The following UNC13C variants were observed in gnomAD, a reference collection of about 807,000 sequenced individuals.
The protein encoded by UNC13C is protein unc-13 homolog C.
Under a neutral mutation model 245.4 loss-of-function variants are expected in UNC13C, and 174 were observed. That is an observed-to-expected ratio of 0.71 (90% CI 0.63 to 0.80). The LOEUF (loss-of-function observed/expected upper bound fraction) is 0.80, where lower values mean the gene tolerates loss of function less well. Ranked by LOEUF, UNC13C falls within the 30% of genes least tolerant of loss-of-function variation. The pLI, the probability that UNC13C is intolerant of heterozygous loss-of-function variation, is 0.00. For synonymous variants in UNC13C, 992 were observed against 895.1 expected (o/e 1.11, Z -1.93); for missense variants, 2,829 against 2,602.9 (o/e 1.09, Z -1.89).
chr15:53,920,298 G>A, the UNC13C span, among the ~76,000 whole-genome samples: 2 of 152,130 alleles, frequency 1.3e-5, no homozygotes, highest in Admixed American at 1.3e-4. Flanking sequence ...ATTAGGCCAG[G>A]CAGGGTGGCT....
chr15:54,071,655 T>C (rs1898333453), intron 2 of UNC13C, among the ~76,000 whole-genome samples: 1 of 148,408 alleles, frequency 6.7e-6, no homozygotes, highest in South Asian at 2.2e-4. Context: ...TATTTTGAAA[T>C]GGTTGAAAAA....
At chr15:54,250,749 C>CTTTCTTTCTTTCTTTCT (rs1475632016) in intron 8 of UNC13C, among the ~76,000 whole-genome samples, 1 of 88,868 alleles carries the variant, frequency 1.1e-5, no homozygotes, top group Non-Finnish European at 2.2e-5. Flanking sequence ...TTCTTTCTTT[C>CTTTCTTTCTTTCTTTCT]TTTTTTTTTT....
chr15:54,231,497 C>CTA (rs35324249), intron 4 of UNC13C, among the ~76,000 whole-genome samples: 73,951 of 151,456 alleles, frequency 0.49, 19,204 homozygotes, highest in African/African-American at 0.65. Context: ...TTGAAGGATT[C>CTA]TGTCTTCATT....
intron 4 of UNC13C, among the ~76,000 whole-genome samples, chr15:54,205,707 T>C (rs2034686820): frequency 6.6e-6 from 1 of 152,056 alleles, no homozygotes; most frequent in African/African-American, 2.4e-5. Flanking sequence ...CCTGTCATCT[T>C]TTAAGCTTCT....
intron 2 of UNC13C, among the ~76,000 whole-genome samples, chr15:54,133,202 T>C (rs1362603391): frequency 1.3e-5 from 2 of 152,122 alleles, no homozygotes; most frequent in Non-Finnish European, 2.9e-5. Flanking sequence ...TTATTTTACT[T>C]ATATATGAAG....
intron 30 of UNC13C, among the ~76,000 whole-genome samples, chr15:54,595,497 C>T (rs1370871266): frequency 6.6e-6 from 1 of 152,206 alleles, no homozygotes; most frequent in African/African-American, 2.4e-5. Flanking sequence ...CTGGTTTGTT[C>T]TTGCAGTTCA....
intron 10 of UNC13C, among the ~76,000 whole-genome samples, chr15:54,278,894 G>C (rs2036904285): frequency 6.6e-6 from 1 of 152,078 alleles, no homozygotes; most frequent in Non-Finnish European, 1.5e-5. Context: ...CTAGAGCACA[G>C]TATTTGTTAT....
chr15:54,546,353 A>G (rs1295380368), intron 26 of UNC13C, among the ~76,000 whole-genome samples: 5 of 152,144 alleles, frequency 3.3e-5, no homozygotes, highest in African/African-American at 7.2e-5. Flanking sequence ...TAGCATTAGG[A>G]GAAATACCTA....
the UNC13C span, among the ~76,000 whole-genome samples, chr15:53,956,804 T>G: frequency 7.9e-5 from 12 of 151,172 alleles, no homozygotes; most frequent in African/African-American, 2.4e-4. Flanking sequence ...TTATCAGAGT[T>G]GAGGATGTCA....
chr15:54,129,704 C>A (rs2141211653), intron 2 of UNC13C, among the ~76,000 whole-genome samples: 1 of 151,620 alleles, frequency 6.6e-6, no homozygotes, highest in African/African-American at 2.4e-5. Context: ...ATGTATATAT[C>A]ATTCTCTCAG....
At chr15:53,918,862 A>G in the UNC13C span, among the ~76,000 whole-genome samples, 8 of 152,352 alleles carry the variant, frequency 5.3e-5, no homozygotes, top group South Asian at 1.4e-3. Flanking sequence ...GCCATTGCAC[A>G]GAGCTTCAAA....
chr15:54,254,977 A>G (rs2036242795), intron 8 of UNC13C, among the ~76,000 whole-genome samples: 1 of 152,158 alleles, frequency 6.6e-6, no homozygotes, highest in African/African-American at 2.4e-5. Flanking sequence ...CTCCTGAAAT[A>G]GGAAAAGTTC....
intron 26 of UNC13C, among the ~76,000 whole-genome samples, chr15:54,533,611 T>C (rs1895857023): frequency 6.6e-6 from 1 of 152,226 alleles, no homozygotes; most frequent in Non-Finnish European, 1.5e-5. Context: ...CCGAAGTCCC[T>C]GATACCATGG....
intron 29 of UNC13C, among the ~76,000 whole-genome samples, chr15:54,563,064 C>T (rs767413121): frequency 5.9e-5 from 9 of 152,030 alleles, no homozygotes; most frequent in Non-Finnish European, 1.0e-4. Context: ...CACATCACCC[C>T]TATTCTGTAC....
chr15:54,157,435 C>A lies in UNC13C; in HGVS notation c.3071+13751C>A, dbSNP rs190174965. On this transcript the variant is annotated intron_variant, in intron 4 of 32. Coordinates refer to ENST00000260323, the MANE Select transcript of UNC13C (RefSeq NM_001080534.3). ...GTTTTACCTTTCTTTTCAAATCTAG[C>A]ACACATAGAAAATAATAGTTTAATA... 2.6e-5 allele frequency among the ~76,000 whole-genome samples: 4 copies of A among 152,212 alleles called. No individual in the cohort carries two copies. The East Asian group carries it at 7.7e-4, about 29-fold the overall frequency.
chr15:54,165,477 A>T (rs2033131709), intron 4 of UNC13C, among the ~76,000 whole-genome samples: 1 of 152,152 alleles, frequency 6.6e-6, no homozygotes, highest in South Asian at 2.1e-4. Context: ...ATAAAGATGA[A>T]GTCTAAGGCC....
intron 19 of UNC13C, among the ~76,000 whole-genome samples, chr15:54,434,688 A>G (rs536492691): frequency 6.6e-6 from 1 of 152,226 alleles, no homozygotes; most frequent in South Asian, 2.1e-4. Context: ...AGACTTCATG[A>G]CTAAAACACT....
At chr15:54,009,562 T>C (rs1393306258) in intron 1 of UNC13C, among the ~76,000 whole-genome samples, 1 of 151,614 alleles carries the variant, frequency 6.6e-6, no homozygotes, top group South Asian at 2.1e-4. Context: ...TTTTTTTTTT[T>C]GTTGAGATGA....
chr15:54,271,305 G>A (rs1311503834), intron 10 of UNC13C, among the ~76,000 whole-genome samples: 1 of 152,146 alleles, frequency 6.6e-6, no homozygotes, highest in African/African-American at 2.4e-5. Flanking sequence ...AAATGATAAA[G>A]TGTCATATAA....
Sources: gnomAD v4.1 joint callset for allele counts (sites outside exome capture counted in the v4.1 genomes callset) on GRCh38, gnomAD v4.1.1 for gene constraint, MANE v1.5 for transcripts, NCBI Gene and HGNC (gene_info 2026-07-23, HGNC 2026-07-21) for gene names.